VPS4A: variants seen among roughly 807,000 people sequenced by gnomAD.
VPS4A encodes vacuolar protein sorting 4 homolog A, also known as vacuolar protein sorting-associated protein 4A.
In VPS4A, 20 loss-of-function variants were observed where a neutral mutation model predicts 52.3. The ratio of observed to expected loss-of-function variants is 0.38; its 90% CI spans 0.27 to 0.56. The LOEUF is 0.56. Among genes scored for constraint, VPS4A ranks in the 20% least tolerant of loss-of-function variants. The probability of loss-of-function intolerance (pLI) is 0.72; values close to 1 mark genes in which losing one functional copy is unlikely to be tolerated. For synonymous variants in VPS4A, 293 were observed against 227.7 expected (o/e 1.29, Z -2.58); for missense variants, 419 against 575.9 (o/e 0.73, Z 2.79).
At chr16:69,322,483 C>G in intron 9 of VPS4A, 77 bp from the exon 10 acceptor site, 3 of 1,446,310 alleles carry the variant, frequency 2.1e-6, no homozygotes, top group Non-Finnish European at 1.8e-6. Context: ...CTCTTTGGGA[C>G]TTCCTTAGAG....
intron 10 of VPS4A, chr16:69,323,676 G>C (rs183511400): frequency 2.2e-6 from 1 of 455,420 alleles, no homozygotes; most frequent in Admixed American, 2.3e-5. Context: ...CTGGCCGGGC[G>C]CCGTGGCTCC....
At chr16:69,322,910 A>T in intron 10 of VPS4A, 1 of 404,694 alleles carries the variant, frequency 2.5e-6, no homozygotes, top group Non-Finnish European at 4.1e-6. Flanking sequence ...TCTACTAAAA[A>T]TACAAAAATT....
chr16:69,316,864 C>T (rs986262762), intron 3 of VPS4A, among the ~76,000 whole-genome samples: 1 of 152,340 alleles, frequency 6.6e-6, no homozygotes, highest in Non-Finnish European at 1.5e-5. Flanking sequence ...GGAGCCCTGC[C>T]GAGGTGGCAC....
At chr16:69,319,213 G>T (rs1293948268) in intron 5 of VPS4A, among the ~76,000 whole-genome samples, 174 bp from the exon 6 acceptor site, 1 of 151,684 alleles carries the variant, frequency 6.6e-6, no homozygotes, top group East Asian at 1.9e-4. Context: ...GCAAGGTCAT[G>T]GGGTCATAGC....
At chr16:69,317,248 A>ACAG (rs4071564) in intron 3 of VPS4A, among the ~76,000 whole-genome samples, 51,915 of 151,880 alleles carry the variant, frequency 0.34, 9,504 homozygotes, top group African/African-American at 0.46. Flanking sequence ...CCCTGGGGTG[A>ACAG]CAGTGGCTGC....
Position 69,320,862 on chromosome 16 carries a change from C to G in VPS4A, c.851+93C>G. Reference sequence around the variant, plus strand: ...CTGGCAGCCCGGGTGCAGCCTGGCCCCTTTTCCCTGGAGTCTTCCCGTCTG... The same window carrying G: ...CTGGCAGCCCGGGTGCAGCCTGGCCGCTTTTCCCTGGAGTCTTCCCGTCTG... On this transcript the variant is annotated intron_variant, in intron 8 of 10. Transcript: ENST00000254950. The surrounding 1 kb of genome is among the most constrained non-coding windows in gnomAD (Gnocchi z 4.2). 1 of 1,367,132 alleles carries G rather than the reference C, an allele frequency of 7.3e-7. No homozygotes were observed. Among genetic ancestry groups the G allele is most frequent in the Non-Finnish European group, 1.0e-6 (1 of 988,244 alleles). 84.7% of individuals were successfully genotyped at this position (1,367,132 alleles called of 1,614,324 possible). A position where few individuals can be genotyped will look rare whatever the true frequency, so the allele number is the denominator to read the frequency against.
In VPS4A at chr16:69,321,059, A is replaced by G. The variant is rs1965503465; in HGVS notation, c.860A>G (p.Lys287Arg). ...LDSAIRRRFEKRIYIPLPEEA... is the reference protein window; with the variant it reads ...LDSAIRRRFERRIYIPLPEEA... ...TGTGCTGGGCTCTCTAGGTTTGAAAAACGAATTTATATCCCCTTGCCGGAG... is the reference window on the plus strand; with the variant it reads ...TGTGCTGGGCTCTCTAGGTTTGAAAGACGAATTTATATCCCCTTGCCGGAG... Residue 287 changes from lysine to arginine, a missense_variant, in exon 9 of 11, where the codon AAA (lysine) becomes AGA (arginine). Transcript: ENST00000254950. The surrounding 1 kb of genome is among the most constrained non-coding windows in gnomAD (Gnocchi z 4.5). 1.3e-6 allele frequency: 2 copies of G among 1,583,872 alleles called. No homozygotes were observed. Among genetic ancestry groups the G allele is most frequent in the African/African-American group, 1.4e-5 (1 of 74,012 alleles).
chr16:69,318,611 C>G (rs769616185), intron 3 of VPS4A, 39 bp from the exon 4 acceptor site: 1 of 1,580,710 alleles, frequency 6.3e-7, no homozygotes. Flanking sequence ...GTGCTCCAGG[C>G]TGAAGGGCCA....
Position 69,318,711 on chromosome 16 carries a change from G to A in VPS4A, c.343G>A (p.Gly115Ser). ...AAAGAAACTGCAAGAACAGCTGATG[G>A]GTAAGTGGCTCGCGGCCCTGTGGCA... ...EKKKLQEQLM[G>S]AVVMEKPNIR... Residue 115 changes from glycine (G) to serine (S), a missense_variant and splice_region_variant, in exon 4 of 11, where the codon GGT becomes AGT. Physicochemically the swap from Gly to Ser is moderately conservative, Grantham distance 56. Coordinates refer to ENST00000254950, the MANE Select transcript of VPS4A (RefSeq NM_013245.3). The A allele has an allele frequency of 6.2e-7, 1 of 1,613,804 alleles. No homozygotes were observed. Among genetic ancestry groups the A allele is most frequent in the South Asian group, 1.1e-5 (1 of 91,086 alleles).
chr16:69,312,521 A>C (rs1965389140), intron 1 of VPS4A, among the ~76,000 whole-genome samples: 2 of 152,218 alleles, frequency 1.3e-5, no homozygotes, highest in South Asian at 2.1e-4. Context: ...CAGAAGCCGC[A>C]GATCCCGTCT....
intron 3 of VPS4A, among the ~76,000 whole-genome samples, chr16:69,317,330 A>G (rs1965449746): frequency 6.6e-6 from 1 of 151,938 alleles, no homozygotes; most frequent in African/African-American, 2.4e-5. Flanking sequence ...GCTGCTTTGG[A>G]GTCAGGGGCA....
In VPS4A at chr16:69,320,125, T is replaced by C. The variant is rs1429763955; in HGVS notation, c.621-16T>C. ...ACGTGAACGTCTTGTCCTCACCCCC[T>C]TTCTCACCTTCACAGGCTGGTCAAG... is the stretch of plus-strand genomic sequence containing the variant. On this transcript the variant is annotated splice_polypyrimidine_tract_variant and intron_variant, in intron 6 of 10. Coordinates refer to ENST00000254950, the MANE Select transcript of VPS4A (RefSeq NM_013245.3). This position sits in a 1 kb window ranked among gnomAD's most constrained non-coding sequence, Gnocchi z 4.2. 9.3e-6 allele frequency: 15 copies of C among 1,609,910 alleles called. No homozygotes were observed. Among genetic ancestry groups the C allele is most frequent in the African/African-American group, 1.3e-5 (1 of 74,872 alleles).
In VPS4A at chr16:69,316,204, CCT is replaced by C; in HGVS notation, c.134-18_134-17del. 1.2e-6 allele frequency: 2 copies of C among 1,613,136 alleles called. No homozygotes were observed. Among genetic ancestry groups the C allele is most frequent in the Admixed American group, 3.3e-5 (2 of 60,010 alleles). ...GTGGCGCACGAGCCTCACAGGGGCC[CCT>C]CTGTGTTCCCTTTCACAGATGAGGC... On this transcript the variant is annotated intron_variant, in intron 2 of 10. Transcript: ENST00000254950.
chr16:69,314,926 G>C (rs1201474530), intron 1 of VPS4A, among the ~76,000 whole-genome samples: 1 of 152,164 alleles, frequency 6.6e-6, no homozygotes, highest in East Asian at 1.9e-4. Flanking sequence ...TTAAAACCAG[G>C]CTTTAAAACC....
At chr16:69,312,435 A>C (rs1204689183) in intron 1 of VPS4A, among the ~76,000 whole-genome samples, 2 of 152,116 alleles carry the variant, frequency 1.3e-5, no homozygotes, top group Non-Finnish European at 2.9e-5. Context: ...GGGCAGAAGT[A>C]GGAGCAGACA....
In VPS4A at chr16:69,320,060, G is replaced by T. The variant is rs1965491804; in HGVS notation, c.621-81G>T. Reference sequence around the variant, plus strand: ...GTGGCCTGCGCCTCCCTGTGGGAAGGGTGAGAAGAGGGAAGTGCCGGGAGC... The same window carrying T: ...GTGGCCTGCGCCTCCCTGTGGGAAGTGTGAGAAGAGGGAAGTGCCGGGAGC... On this transcript the variant is annotated intron_variant, in intron 6 of 10. Transcript: ENST00000254950. This position sits in a 1 kb window ranked among gnomAD's most constrained non-coding sequence, Gnocchi z 4.2. 1 of 1,507,030 alleles carries T rather than the reference G, an allele frequency of 6.6e-7. No individual in the cohort carries two copies. The highest frequency in any genetic ancestry group is 8.9e-7 in the Non-Finnish European group (1 of 1,117,390). The allele number at this position is 1,507,030 out of a possible 1,614,324, so 93.4% of individuals were successfully genotyped here.
At chr16:69,318,759 C>A (rs1419180498) in intron 4 of VPS4A, 48 bp downstream of exon 4, 1 of 1,612,986 alleles carries the variant, frequency 6.2e-7, no homozygotes, top group Non-Finnish European at 8.5e-7. Context: ...GAGAGTGGGT[C>A]CGCTGCTGGG....
At position 69,324,884 on chromosome 16, in the gene VPS4A, TGGG is replaced by T. The variant is rs1200007963; in HGVS notation, c.*578_*580del. ...TTCACATCCAGGGCTGTGTCTTCCT[TGGG>T]GGAGGAGATGGTGTCGTTTAGATCA... On this transcript the variant is annotated 3_prime_UTR_variant, in exon 11 of 11. Transcript: ENST00000254950. The T allele has an allele frequency of 1.9e-5, 3 of 159,534 alleles. No homozygotes were observed. The highest frequency in any genetic ancestry group is 7.2e-5 in the African/African-American group (3 of 41,610). 9.9% of individuals were successfully genotyped at this position (159,534 alleles called of 1,614,324 possible).
Position 69,321,520 on chromosome 16 carries a change from T to C in VPS4A, c.1071+250T>C, listed in dbSNP as rs1259049658. On this transcript the variant is annotated intron_variant, in intron 9 of 10. Transcript: ENST00000254950. The surrounding 1 kb of genome is among the most constrained non-coding windows in gnomAD (Gnocchi z 4.5). ...GGCCACTTTACTGTCTTAACCCTGC[T>C]GCGGCCTCCTCCGTCAGCACTGTGT... The C allele has an allele frequency of 1.9e-6, 1 of 538,368 alleles. No homozygotes were observed. The allele number at this position is 538,368 out of a possible 1,614,324, so 33.3% of individuals were successfully genotyped here. A position where few individuals can be genotyped will look rare whatever the true frequency, so the allele number is the denominator to read the frequency against.
Sources: gnomAD v4.1 joint callset for allele counts (sites outside exome capture counted in the v4.1 genomes callset) on GRCh38, gnomAD v4.1.1 for gene constraint, Gnocchi (gnomAD v3.1) non-coding constraint, MANE v1.5 for transcripts, NCBI Gene and HGNC (gene_info 2026-07-23, HGNC 2026-07-21) for gene names.